The following AGO4 variants were observed in gnomAD, a reference collection of about 807,000 sequenced individuals.
The protein encoded by AGO4 is argonaute RISC component 4.
AGO4 carries 33 observed loss-of-function variants against 104.7 expected under a neutral mutation model. The ratio of observed to expected loss-of-function variants is 0.32; its 90% CI spans 0.24 to 0.42. The LOEUF (loss-of-function observed/expected upper bound fraction) is 0.42, where lower values mean the gene tolerates loss of function less well. Ranked by LOEUF, AGO4 falls within the 10% of genes least tolerant of loss-of-function variation. The pLI is 1.00. For synonymous variants in AGO4, 331 were observed against 364.7 expected (o/e 0.91, Z 1.05); for missense variants, 711 against 1,083.4 (o/e 0.66, Z 4.83).
intron 15 of AGO4, among the ~76,000 whole-genome samples, chr1:35,849,911 G>A (rs966227946): frequency 6.6e-6 from 1 of 152,086 alleles, no homozygotes; most frequent in Non-Finnish European, 1.5e-5. Context: ...CCAAAGCCAC[G>A]GGTAAAATAT....
intron 13 of AGO4, among the ~76,000 whole-genome samples, chr1:35,837,950 A>G (rs1416025300): frequency 6.6e-6 from 1 of 150,876 alleles, no homozygotes; most frequent in Non-Finnish European, 1.5e-5. Flanking sequence ...TGGGGCAATC[A>G]TGACTCACTG....
chr1:35,851,508 A>G (rs1216931955), intron 17 of AGO4, among the ~76,000 whole-genome samples: 2 of 152,184 alleles, frequency 1.3e-5, no homozygotes, highest in Non-Finnish European at 2.9e-5. Context: ...GGGGGCACAG[A>G]TGATTCTCAC....
chr1:35,814,124 A>G (rs1229123573), intron 1 of AGO4, among the ~76,000 whole-genome samples: 1 of 151,520 alleles, frequency 6.6e-6, no homozygotes, highest in Non-Finnish European at 1.5e-5. Context: ...GAAAAAAGGA[A>G]GGAAGGAAGG....
intron 15 of AGO4, among the ~76,000 whole-genome samples, chr1:35,847,237 CTT>C (rs1276730669): frequency 7.1e-5 from 10 of 141,608 alleles, no homozygotes; most frequent in Admixed American, 7.1e-5. Flanking sequence ...TGTTTTTGGT[CTT>C]TTTTTTTTTT....
At chr1:35,847,153 A>G (rs1437158770) in intron 15 of AGO4, among the ~76,000 whole-genome samples, 1 of 152,084 alleles carries the variant, frequency 6.6e-6, no homozygotes, top group Non-Finnish European at 1.5e-5. Context: ...CATAAAATAC[A>G]CTAACCATAG....
intron 2 of AGO4, among the ~76,000 whole-genome samples, chr1:35,818,666 A>AAGAAAGGAAGGAAGG (rs1553144595): frequency 2.5e-5 from 2 of 79,686 alleles, no homozygotes; most frequent in African/African-American, 1.0e-4. Flanking sequence ...AGAAAGGAAG[A>AAGAAAGGAAGGAAGG]AAGGAAGGAA....
chr1:35,812,825 C>G (rs571290368), intron 1 of AGO4, among the ~76,000 whole-genome samples: 1 of 152,188 alleles, frequency 6.6e-6, no homozygotes, highest in East Asian at 1.9e-4. Context: ...CTTCTGACCT[C>G]AGGTGATCTG....
intron 9 of AGO4, 34 bp from the exon 10 acceptor site, chr1:35,832,023 G>C (rs776460244): frequency 6.2e-7 from 1 of 1,605,714 alleles, no homozygotes; most frequent in Admixed American, 1.7e-5. Flanking sequence ...GTTACTCTCT[G>C]GTTTTTATAT....
intron 15 of AGO4, among the ~76,000 whole-genome samples, chr1:35,842,247 A>AT: frequency 6.6e-6 from 1 of 152,082 alleles, no homozygotes; most frequent in Non-Finnish European, 1.5e-5. Flanking sequence ...AATGATCATT[A>AT]CCACCTGAGC....
rs1643821519 is a variant in AGO4, at chr1:35,818,998, G to C, written c.185+1951G>C. On this transcript the variant is annotated intron_variant, in intron 2 of 17. Transcript: ENST00000373210. ...CATGGAAATTAATTAAGAGGCACTT[G>C]GAATGATTCAGGTGAAAAGTAATGG... 5.9e-5 allele frequency among the ~76,000 whole-genome samples: 9 copies of C among 152,162 alleles called. No homozygotes were observed. The South Asian group carries it at 1.9e-3, about 31-fold the overall frequency.
chr1:35,848,598 G>A (rs582845), intron 15 of AGO4, among the ~76,000 whole-genome samples: 99,385 of 151,444 alleles, frequency 0.66, 37,585 homozygotes, highest in Non-Finnish European at 0.87. Flanking sequence ...TTTTCTCCAA[G>A]GCATCACCTC....
chr1:35,825,596 T>A, intron 4 of AGO4, 83 bp from the exon 5 acceptor site: 1 of 1,535,376 alleles, frequency 6.5e-7, no homozygotes, highest in Non-Finnish European at 8.7e-7. Flanking sequence ...TGTTCAAATT[T>A]GATTTCAGCT....
rs1644808446 is a variant in AGO4 at position 35,855,955 on chromosome 1, A to G, written c.*2350A>G. The G allele has an allele frequency of 1.3e-5, 2 of 152,242 alleles. No individual in the cohort carries two copies. Among genetic ancestry groups the G allele is most frequent in the South Asian group, 4.1e-4 (2 of 4,834 alleles). The allele number at this position is 152,242 out of a possible 1,614,324, so 9.4% of individuals were successfully genotyped here. On this transcript the variant is annotated 3_prime_UTR_variant, in exon 18 of 18. Transcript: ENST00000373210. ...CTTATTAATAACGCACAGAAGAAGC[A>G]TCACTTCTCACCATCTCCTGGCATG...
intron 1 of AGO4, among the ~76,000 whole-genome samples, chr1:35,814,639 G>C (rs1643631864): frequency 6.6e-6 from 1 of 152,130 alleles, no homozygotes; most frequent in Non-Finnish European, 1.5e-5. Flanking sequence ...TTCCCCTATA[G>C]AGAGAGTCTT....
chr1:35,847,806 T>C (rs1355211364), intron 15 of AGO4, among the ~76,000 whole-genome samples: 3 of 152,168 alleles, frequency 2.0e-5, no homozygotes, highest in Non-Finnish European at 4.4e-5. Context: ...TTTTTAAACA[T>C]GTTAACAATT....
rs2148695107 is a variant in AGO4, at chr1:35,855,679, C to T, written c.*2074C>T. On this transcript the variant is annotated 3_prime_UTR_variant, in exon 18 of 18. Coordinates refer to ENST00000373210, the MANE Select transcript of AGO4 (RefSeq NM_017629.4). ...TTTTTTTTTTTTTTTTTGCAAATAC[C>T]TCACTTGGATAATACAAATCAGGAC... is the stretch of plus-strand genomic sequence containing the variant. The T allele has an allele frequency of 6.8e-6, 1 of 147,874 alleles. No homozygotes were observed. The highest frequency in any genetic ancestry group is 2.5e-5 in the African/African-American group (1 of 39,804). 9.2% of individuals were successfully genotyped at this position (147,874 alleles called of 1,614,324 possible).
In AGO4 at chr1:35,853,499, C is replaced by T. The variant is rs189230027; in HGVS notation, c.2480C>T (p.Ala827Val). 349 of 1,610,666 alleles carry T rather than the reference C, an allele frequency of 2.2e-4. 1 individual carries two copies. The highest frequency in any genetic ancestry group is 4.7e-4 in the Admixed American group (28 of 59,432). The change falls in exon 18 of 18, where the codon GCG becomes GTG. Residue 827 changes from alanine to valine, a missense_variant and splice_region_variant. Around this residue, in one of 3 missense-constraint regions of AGO4, gnomAD observed 401 missense variants for 665.5 expected, o/e 0.60. Transcript: ENST00000373210. Reference sequence around the variant, plus strand: ...GTTTTGTTTTATTCTCTTTACAGTGCGGAAGGCAGTCATGTGTCAGGACAG... The same window carrying T: ...GTTTTGTTTTATTCTCTTTACAGTGTGGAAGGCAGTCATGTGTCAGGACAG... ...YHLVDKDHDSAEGSHVSGQSN... is the reference protein window; with the variant it reads ...YHLVDKDHDSVEGSHVSGQSN...
Position 35,825,708 on chromosome 1 carries a change from C to A in AGO4, c.518C>A (p.Ser173Ter). Reference sequence around the variant, plus strand: ...ACCCCAGTGGGCCGTTCCTTTTTCTCACCCCCGGAAGGTTACTACCACCCT... The same window carrying A: ...ACCCCAGTGGGCCGTTCCTTTTTCTAACCCCCGGAAGGTTACTACCACCCT... ...RYTPVGRSFF[S>*]PPEGYYHPLG... Residue 173 changes from serine (S) to a stop codon, truncating the protein, a stop_gained, in exon 5 of 18, where the codon TCA (serine) becomes TAA (stop). Coordinates refer to ENST00000373210, the MANE Select transcript of AGO4 (RefSeq NM_017629.4). LOFTEE classifies it high-confidence loss of function. 6.4e-7 allele frequency: 1 copy of A among 1,569,372 alleles called. No homozygotes were observed. Among genetic ancestry groups the A allele is most frequent in the Non-Finnish European group, 8.6e-7 (1 of 1,163,808 alleles).
chr1:35,852,941 T>G (rs1277364591), intron 17 of AGO4, among the ~76,000 whole-genome samples: 1 of 152,202 alleles, frequency 6.6e-6, no homozygotes. Flanking sequence ...ATTTAATTCT[T>G]GCAGCAGCTC....
Sources: gnomAD v4.1 joint callset for allele counts (sites outside exome capture counted in the v4.1 genomes callset) on GRCh38, gnomAD v4.1.1 for gene constraint, gnomAD v4.1.1 regional missense constraint, MANE v1.5 for transcripts, NCBI Gene and HGNC (gene_info 2026-07-23, HGNC 2026-07-21) for gene names.